Variants in ATAD2B observed in about 807,000 individuals in gnomAD.
ATAD2B encodes the protein ATPase family AAA domain containing 2B.
ATAD2B carries 40 observed loss-of-function variants against 167.6 expected under a neutral mutation model. The observed-to-expected ratio is 0.24, with a 90% CI of 0.19 to 0.31. The LOEUF is 0.31. Among genes scored for constraint, ATAD2B ranks in the 10% least tolerant of loss-of-function variants. ATAD2B has a pLI of 1.00. For synonymous variants in ATAD2B, 579 were observed against 596.5 expected (o/e 0.97, Z 0.43); for missense variants, 1,242 against 1,757.2 (o/e 0.71, Z 5.24).
At chr2:23,812,865 A>AG (rs35093516) in intron 17 of ATAD2B, among the ~76,000 whole-genome samples, 5 of 151,518 alleles carry the variant, frequency 3.3e-5, no homozygotes, top group African/African-American at 4.8e-5. Flanking sequence ...AAAAAAAAAA[A>AG]TGCTACCAAT....
chr2:23,894,667 A>T (rs767158757), intron 2 of ATAD2B, among the ~76,000 whole-genome samples: 1 of 152,170 alleles, frequency 6.6e-6, no homozygotes, highest in African/African-American at 2.4e-5. Context: ...TCATTTAATA[A>T]ATGAAGGATA....
chr2:23,688,250 T>G, the ATAD2B span, among the ~76,000 whole-genome samples: 2 of 152,220 alleles, frequency 1.3e-5, no homozygotes, highest in Admixed American at 1.3e-4. Context: ...GCGTGTGTCC[T>G]GCAGCTGATG....
chr2:23,744,827 T>G (rs529976727), downstream of ATAD2B, among the ~76,000 whole-genome samples: 1 of 152,076 alleles, frequency 6.6e-6, no homozygotes, highest in African/African-American at 2.4e-5. Flanking sequence ...ACGAATGGGA[T>G]TGGGAATGGG....
chr2:23,866,166 G>A (rs1647260293), intron 10 of ATAD2B, among the ~76,000 whole-genome samples: 1 of 152,206 alleles, frequency 6.6e-6, no homozygotes, highest in Admixed American at 6.5e-5. Context: ...AACATTTTGG[G>A]AGGCCAAGGC....
At chr2:23,848,937 T>C (rs1254386385) in intron 13 of ATAD2B, among the ~76,000 whole-genome samples, 2 of 152,186 alleles carry the variant, frequency 1.3e-5, no homozygotes, top group African/African-American at 4.8e-5. Context: ...AATGTCAATA[T>C]TGTGTACATA....
chr2:23,895,758 T>A, intron 2 of ATAD2B, 61 bp downstream of exon 2: 1 of 1,297,744 alleles, frequency 7.7e-7, no homozygotes, highest in Non-Finnish European at 1.0e-6. Flanking sequence ...AGCATTAATA[T>A]CAGCCCTGAA....
intron 7 of ATAD2B, among the ~76,000 whole-genome samples, chr2:23,879,477 T>C (rs1326627082): frequency 2.0e-5 from 3 of 152,102 alleles, no homozygotes; most frequent in Non-Finnish European, 4.4e-5. Context: ...ATGGTGGTTG[T>C]ACACCTGTAG....
chr2:23,882,475 G>A (rs1698064740), intron 6 of ATAD2B, among the ~76,000 whole-genome samples: 1 of 148,112 alleles, frequency 6.8e-6, no homozygotes, highest in Admixed American at 6.8e-5. Context: ...GAATTATAGG[G>A]GTGAGCCACC....
At chr2:23,680,770 T>C in the ATAD2B span, among the ~76,000 whole-genome samples, 1 of 151,782 alleles carries the variant, frequency 6.6e-6, no homozygotes. This position sits in a 1 kb window ranked among gnomAD's most constrained non-coding sequence, Gnocchi z 4.1. Flanking sequence ...TCCTGGGGTC[T>C]CTAGGCCATC....
chr2:23,869,384 A>G (rs1203502032), intron 9 of ATAD2B, among the ~76,000 whole-genome samples: 3 of 152,226 alleles, frequency 2.0e-5, no homozygotes, highest in Non-Finnish European at 4.4e-5. Flanking sequence ...AAGGAGGTAC[A>G]GAGGAAAAGA....
chr2:23,906,463 T>C (rs1701507865), intron 1 of ATAD2B, among the ~76,000 whole-genome samples: 1 of 152,266 alleles, frequency 6.6e-6, no homozygotes, highest in African/African-American at 2.4e-5. Flanking sequence ...TTAGAACTAT[T>C]AGAAAGGCTC....
intron 8 of ATAD2B, chr2:23,873,090 C>A: frequency 2.1e-6 from 1 of 473,112 alleles, no homozygotes; most frequent in Non-Finnish European, 3.9e-6. Flanking sequence ...CAAAAATTAT[C>A]TACTTATTCT....
chr2:23,826,214 T>C (rs973064726), intron 15 of ATAD2B, among the ~76,000 whole-genome samples: 8 of 152,120 alleles, frequency 5.3e-5, no homozygotes, highest in African/African-American at 1.7e-4. Flanking sequence ...ACACACAAAA[T>C]TGAGAACTAC....
intron 22 of ATAD2B, among the ~76,000 whole-genome samples, chr2:23,777,492 T>C (rs537071533): frequency 2.6e-5 from 4 of 152,220 alleles, no homozygotes; most frequent in African/African-American, 9.6e-5. Context: ...GAAAAATGAG[T>C]GAGTTTGGTT....
intron 1 of ATAD2B, among the ~76,000 whole-genome samples, chr2:23,905,403 G>A (rs1336223086): frequency 6.6e-6 from 1 of 152,122 alleles, no homozygotes; most frequent in Non-Finnish European, 1.5e-5. Context: ...ACATGCCTGT[G>A]GTCCCAGCAA....
chr2:23,832,139 C>T, intron 14 of ATAD2B: 1 of 437,870 alleles, frequency 2.3e-6, no homozygotes, highest in Non-Finnish European at 4.7e-6. Context: ...GTTAATCACA[C>T]CCTCCTCATT....
rs117735241 is a variant in ATAD2B, at chr2:23,855,109, G to A, written c.1568+2306C>T. ...CTCGAGAGGCTGAGCCAGGAGAATC[G>A]CTTCAATGCGGGGTGCGGAGGTTGC... On this transcript the variant is annotated intron_variant, in intron 13 of 27. Transcript: ENST00000238789. Among the ~76,000 whole-genome samples the A allele has an allele frequency of 2.2e-4, 33 of 151,628 alleles. 1 individual carries two copies. In the East Asian group the frequency reaches 6.0e-3, roughly 28 times the overall value.
chr2:23,717,712 G>T, the ATAD2B span, among the ~76,000 whole-genome samples: 2 of 152,072 alleles, frequency 1.3e-5, no homozygotes, highest in Admixed American at 1.3e-4. Context: ...AAAGGAGAAG[G>T]CTACCCCATA....
chr2:23,755,991 A>G (rs985001650), intron 25 of ATAD2B, among the ~76,000 whole-genome samples: 1 of 152,140 alleles, frequency 6.6e-6, no homozygotes, highest in Non-Finnish European at 1.5e-5. Context: ...CTTTTACACA[A>G]CAATTATCTT....
Sources: allele counts gnomAD v4.1 joint callset (sites outside exome capture counted in the v4.1 genomes callset), GRCh38; gene constraint gnomAD v4.1.1; non-coding constraint Gnocchi (gnomAD v3.1); transcripts MANE v1.5; gene names NCBI Gene and HGNC (gene_info 2026-07-23, HGNC 2026-07-21).